MSRA: variants seen among roughly 807,000 people sequenced by gnomAD.
MSRA encodes mitochondrial peptide methionine sulfoxide reductase.
MSRA carries 54 observed loss-of-function variants against 31.3 expected under a neutral mutation model. The observed-to-expected ratio is 1.73, with a 90% CI of 1.39 to 2.17. The LOEUF is 2.17. Ranked by LOEUF, MSRA falls within the 30% of genes most tolerant of loss-of-function variation. The pLI, the probability that MSRA is intolerant of heterozygous loss-of-function variation, is 0.00. For missense variants in MSRA, 507 were observed against 300.9 expected, an observed-to-expected ratio of 1.69 and a Z score of -5.07; for synonymous variants, 169 against 116.5, an observed-to-expected ratio of 1.45 and a Z score of -2.90.
intron 2 of MSRA, among the ~76,000 whole-genome samples, chr8:10,238,200 C>T (rs185822555): frequency 1.3e-5 from 2 of 152,146 alleles, no homozygotes; most frequent in Non-Finnish European, 2.9e-5. Flanking sequence ...TTTCTCTACC[C>T]CTTGCTGGGG....
At chr8:10,256,780 C>T (rs1195826286) in intron 3 of MSRA, among the ~76,000 whole-genome samples, 7 of 152,012 alleles carry the variant, frequency 4.6e-5, no homozygotes, top group Admixed American at 3.3e-4. Context: ...CCCCCCGAGG[C>T]GAAGCTATAG....
At chr8:10,341,623 T>C (rs1466630118) in intron 5 of MSRA, among the ~76,000 whole-genome samples, 1 of 152,164 alleles carries the variant, frequency 6.6e-6, no homozygotes. Flanking sequence ...TAGTACTTAG[T>C]CTTGGGCATC....
At chr8:10,261,755 G>T (rs1318829062) in intron 3 of MSRA, among the ~76,000 whole-genome samples, 1 of 152,082 alleles carries the variant, frequency 6.6e-6, no homozygotes, top group East Asian at 1.9e-4. Context: ...GTTCCCTTTT[G>T]GTGGTGTACA....
chr8:10,212,691 A>T lies in MSRA; in HGVS notation c.211+4790A>T, dbSNP rs138439595. On this transcript the variant is annotated intron_variant, in intron 2 of 5. Transcript: ENST00000317173. ...AATATTGTACTAATACTTTCCAGGG[A>T]TGTAGGGTAATGAATTCTCCATTAC... is the stretch of plus-strand genomic sequence containing the variant. Among the ~76,000 whole-genome samples, 121 of 152,246 alleles carry T rather than the reference A, an allele frequency of 7.9e-4. 2 individuals carry two copies. In the Middle Eastern group the frequency reaches 0.01, roughly 13 times the overall value.
At chr8:10,305,274 A>G (rs1353442995) in intron 4 of MSRA, among the ~76,000 whole-genome samples, 1 of 152,192 alleles carries the variant, frequency 6.6e-6, no homozygotes, top group African/African-American at 2.4e-5. Flanking sequence ...GTCCCCTTTC[A>G]GTTAAATCAG....
intron 3 of MSRA, among the ~76,000 whole-genome samples, chr8:10,264,917 G>T (rs1340353645): frequency 6.6e-6 from 1 of 152,132 alleles, no homozygotes; most frequent in African/African-American, 2.4e-5. Flanking sequence ...CCCTCTATGC[G>T]ATGAGAAGCT....
intron 5 of MSRA, among the ~76,000 whole-genome samples, chr8:10,380,417 C>T (rs1487811239): frequency 1.3e-5 from 2 of 152,138 alleles, no homozygotes; most frequent in East Asian, 1.9e-4. Context: ...GAAGGCTCAT[C>T]GTTTTTGAGA....
chr8:10,122,046 G>A (rs1801154276), intron 1 of MSRA, among the ~76,000 whole-genome samples: 1 of 152,082 alleles, frequency 6.6e-6, no homozygotes, highest in African/African-American at 2.4e-5. Context: ...GGATCTACAA[G>A]AACAGCGGTC....
At chr8:10,192,982 CT>C (rs1174478071) in intron 1 of MSRA, among the ~76,000 whole-genome samples, 2 of 152,200 alleles carry the variant, frequency 1.3e-5, no homozygotes, top group African/African-American at 4.8e-5. Flanking sequence ...CAGAAACCTT[CT>C]CAACAATAGT....
chr8:10,198,463 C>T (rs753595278), intron 1 of MSRA, among the ~76,000 whole-genome samples: 7 of 152,126 alleles, frequency 4.6e-5, no homozygotes, highest in Admixed American at 2.6e-4. Context: ...AATTTATTCT[C>T]CATGTGTGGG....
At chr8:10,372,776 T>C (rs929945601) in intron 5 of MSRA, among the ~76,000 whole-genome samples, 1 of 152,230 alleles carries the variant, frequency 6.6e-6, no homozygotes, top group Non-Finnish European at 1.5e-5. Context: ...TTTTTGAAGG[T>C]TTAAGAGTCA....
At chr8:10,402,888 C>G (rs926668088) in intron 5 of MSRA, among the ~76,000 whole-genome samples, 1 of 152,220 alleles carries the variant, frequency 6.6e-6, no homozygotes, top group Non-Finnish European at 1.5e-5. Flanking sequence ...GGTAATGACC[C>G]TGATTCTCCT....
At chr8:10,426,931 C>T (rs750093248) in intron 5 of MSRA, among the ~76,000 whole-genome samples, 3 of 151,906 alleles carry the variant, frequency 2.0e-5, no homozygotes, top group East Asian at 1.9e-4. Context: ...GTCTAACCCA[C>T]CCGTCTTGGC....
chr8:10,355,504 G>C (rs1804456958), intron 5 of MSRA, among the ~76,000 whole-genome samples: 1 of 152,206 alleles, frequency 6.6e-6, no homozygotes, highest in South Asian at 2.1e-4. Context: ...AGAAAACCTG[G>C]CTTGGGTGGC....
intron 2 of MSRA, among the ~76,000 whole-genome samples, chr8:10,211,188 A>C (rs1378920109): frequency 1.3e-5 from 2 of 152,194 alleles, no homozygotes; most frequent in East Asian, 3.9e-4. Flanking sequence ...GGAAAGACAG[A>C]TAGAGTGTGG....
chr8:10,152,309 A>T (rs891614980), intron 1 of MSRA, among the ~76,000 whole-genome samples: 1 of 152,240 alleles, frequency 6.6e-6, no homozygotes, highest in Non-Finnish European at 1.5e-5. Context: ...ATAAAAGTAT[A>T]AATATGTCCA....
chr8:10,396,906 C>T (rs774794096), intron 5 of MSRA, among the ~76,000 whole-genome samples: 16 of 152,198 alleles, frequency 1.1e-4, no homozygotes, highest in Non-Finnish European at 2.1e-4. Flanking sequence ...ATCTGTGCTC[C>T]AAGGCATGAC....
At chr8:10,297,763 C>T (rs891718630) in intron 3 of MSRA, among the ~76,000 whole-genome samples, 1 of 152,194 alleles carries the variant, frequency 6.6e-6, no homozygotes, top group Non-Finnish European at 1.5e-5. Context: ...AACAACCAAG[C>T]TTCTTTAAAC....
chr8:10,065,739 G>A (rs1450756600), intron 1 of MSRA, among the ~76,000 whole-genome samples: 2 of 152,208 alleles, frequency 1.3e-5, no homozygotes, highest in African/African-American at 4.8e-5. Context: ...TGCTTCCGCT[G>A]TTGCCGGATG....
Sources: gnomAD v4.1 joint callset for allele counts (sites outside exome capture counted in the v4.1 genomes callset) on GRCh38, gnomAD v4.1.1 for gene constraint, MANE v1.5 for transcripts, NCBI Gene and HGNC (gene_info 2026-07-23, HGNC 2026-07-21) for gene names.